DCDC2C: variants seen among roughly 807,000 people sequenced by gnomAD.
DCDC2C encodes the protein doublecortin domain-containing protein 2C.
DCDC2C carries 44 observed loss-of-function variants against 45.0 expected under a neutral mutation model. The observed-to-expected ratio is 0.98, with a 90% confidence interval of 0.77 to 1.26. The LOEUF (loss-of-function observed/expected upper bound fraction) is 1.26. Ranked by LOEUF, DCDC2C falls within the 50% of genes most tolerant of loss-of-function variation. The pLI is 0.00. For synonymous variants in DCDC2C, 187 were observed against 178.8 expected (o/e 1.05, Z -0.37); for missense variants, 447 against 468.9 (o/e 0.95, Z 0.43).
At chr2:3,830,634 C>T (rs537047719) in intron 10 of DCDC2C, among the ~76,000 whole-genome samples, 22 of 152,154 alleles carry the variant, frequency 1.4e-4, no homozygotes, top group East Asian at 9.6e-4. Context: ...ACCCCGTAGT[C>T]GCGACCCCAC....
chr2:3,775,736 C>G (rs113677564), intron 8 of DCDC2C, among the ~76,000 whole-genome samples: 4 of 8,726 alleles, frequency 4.6e-4, no homozygotes, highest in African/African-American at 1.5e-3. Flanking sequence ...AGGCAGCTGT[C>G]GCTGTGGGCT....
At chr2:3,763,316 C>A (rs1320539499) in intron 6 of DCDC2C, among the ~76,000 whole-genome samples, 1 of 152,206 alleles carries the variant, frequency 6.6e-6, no homozygotes. Context: ...AGACCTGAGA[C>A]CACACAGCTG....
chr2:3,821,620 C>A (rs1572641824), intron 10 of DCDC2C, among the ~76,000 whole-genome samples: 2 of 152,174 alleles, frequency 1.3e-5, no homozygotes, highest in South Asian at 2.1e-4. Context: ...GGCTTTTCTG[C>A]GTCTATTAAG....
chr2:3,826,570 G>A (rs1671821747), intron 10 of DCDC2C, among the ~76,000 whole-genome samples: 1 of 152,122 alleles, frequency 6.6e-6, no homozygotes, highest in South Asian at 2.1e-4. Flanking sequence ...CCTGCCCCAC[G>A]AGGTCACAGG....
At chr2:3,737,413 C>A (rs1669062583) in intron 3 of DCDC2C, among the ~76,000 whole-genome samples, 1 of 151,906 alleles carries the variant, frequency 6.6e-6, no homozygotes, top group South Asian at 2.1e-4. Flanking sequence ...TACCCAACTG[C>A]AGTGGGTCAT....
chr2:3,843,384 A>G (rs1672259540), intron 10 of DCDC2C, among the ~76,000 whole-genome samples: 1 of 151,410 alleles, frequency 6.6e-6, no homozygotes, highest in South Asian at 2.1e-4. Context: ...CAGTGTGTGA[A>G]TGTGCCGAGT....
In DCDC2C at chr2:3,847,250, G is replaced by A; in HGVS notation, c.*67G>A. 1 of 1,099,282 alleles carries A rather than the reference G, an allele frequency of 9.1e-7. No homozygotes were observed. The highest frequency in any genetic ancestry group is 4.6e-5 in the South Asian group (1 of 21,602). The allele number at this position is 1,099,282 out of a possible 1,614,324, so 68.1% of individuals were successfully genotyped here. On this transcript the variant is annotated 3_prime_UTR_variant, in exon 11 of 11. Transcript: ENST00000399143. ...ACCATGGGGCTTCCACGTCACATAT[G>A]GACATTTTAACAGCAAGAAAATCAC...
intron 4 of DCDC2C, among the ~76,000 whole-genome samples, chr2:3,745,317 T>C (rs1249929846): frequency 6.6e-6 from 1 of 152,144 alleles, no homozygotes; most frequent in Admixed American, 6.5e-5. Flanking sequence ...ACATGTAGAA[T>C]GATAGTAGTG....
chr2:3,761,654 C>G lies in DCDC2C; in HGVS notation c.727-6100C>G, dbSNP rs962841660. Among the ~76,000 whole-genome samples, 2 of 152,204 alleles carry G rather than the reference C, an allele frequency of 1.3e-5. No homozygotes were observed. The highest frequency in any genetic ancestry group is 4.8e-5 in the African/African-American group (2 of 41,450). ...ATAAATGTTCAAAGCAGGCCTGGTT[C>G]ATTGGTAGAAGACCTTGACCCACTT... On this transcript the variant is annotated intron_variant, in intron 6 of 10. Transcript: ENST00000399143. The surrounding 1 kb of genome is among the most constrained non-coding windows in gnomAD (Gnocchi z 4.3).
chr2:3,740,378 AT>A (rs1051766529), intron 3 of DCDC2C, among the ~76,000 whole-genome samples: 5 of 152,206 alleles, frequency 3.3e-5, no homozygotes, highest in Non-Finnish European at 5.9e-5. Context: ...ACATTGATCT[AT>A]TTTGCCAAAG....
Position 3,704,027 on chromosome 2 carries a change from C to T in DCDC2C, c.276C>T (p.Phe92=). The change falls in exon 1 of 11, where the codon TTC becomes TTT. Residue 92 remains phenylalanine, a synonymous_variant. Transcript: ENST00000399143. ...GKYVAAGRER[F]KELDYIHIVP... is the part of the protein sequence containing the mutation. Reference sequence around the variant, plus strand: ...ACGTGGCGGCGGGCCGCGAGCGCTTCAAGGAGCTCGAGTAAGTGCGCCCGC... The same window carrying T: ...ACGTGGCGGCGGGCCGCGAGCGCTTTAAGGAGCTCGAGTAAGTGCGCCCGC... The T allele has an allele frequency of 7.8e-7, 1 of 1,274,110 alleles. No individual in the cohort carries two copies. Among genetic ancestry groups the T allele is most frequent in the Non-Finnish European group, 9.9e-7 (1 of 1,009,488 alleles). The allele number at this position is 1,274,110 out of a possible 1,614,324, so 78.9% of individuals were successfully genotyped here. A position where few individuals can be genotyped will look rare whatever the true frequency, so the allele number is the denominator to read the frequency against.
intron 7 of DCDC2C, 25 bp from the exon 8 acceptor site, chr2:3,769,286 G>C: frequency 6.5e-7 from 1 of 1,544,796 alleles, no homozygotes; most frequent in Non-Finnish European, 8.8e-7. Flanking sequence ...GGTTTCAAAA[G>C]TTTGTCTGTG....
intron 2 of DCDC2C, among the ~76,000 whole-genome samples, chr2:3,716,498 T>C (rs975938936): frequency 1.3e-5 from 2 of 152,076 alleles, no homozygotes; most frequent in African/African-American, 4.8e-5. Flanking sequence ...CAGAAAAGAA[T>C]AGAAGAGAGA....
intron 3 of DCDC2C, among the ~76,000 whole-genome samples, chr2:3,738,539 GGAAAAAAA>G (rs1424342695): frequency 1.6e-4 from 9 of 55,258 alleles, no homozygotes; most frequent in Admixed American, 1.6e-3. Flanking sequence ...GGTCTATCTG[GGAAAAAAA>G]AAAAAAAAAA....
chr2:3,822,897 T>C (rs1415937306), intron 10 of DCDC2C, among the ~76,000 whole-genome samples: 2 of 152,144 alleles, frequency 1.3e-5, no homozygotes, highest in African/African-American at 4.8e-5. Context: ...CTTGTGATAG[T>C]GAGTAAGTCT....
chr2:3,708,368 C>T (rs1184267243), intron 1 of DCDC2C, among the ~76,000 whole-genome samples, 181 bp from the exon 2 acceptor site: 1 of 152,200 alleles, frequency 6.6e-6, no homozygotes. Flanking sequence ...AACTGTCCTA[C>T]AGCAGCATTG....
chr2:3,723,316 T>A (rs918792059), intron 2 of DCDC2C, among the ~76,000 whole-genome samples: 2 of 152,068 alleles, frequency 1.3e-5, no homozygotes, highest in Admixed American at 1.3e-4. Flanking sequence ...ATGAAGTGCT[T>A]GGATGAAAGT....
At chr2:3,831,047 TG>T (rs747133936) in intron 10 of DCDC2C, among the ~76,000 whole-genome samples, 1 of 152,154 alleles carries the variant, frequency 6.6e-6, no homozygotes, top group Non-Finnish European at 1.5e-5. Context: ...AGGATTTACT[TG>T]GCGACTTTCC....
At chr2:3,769,542 G>A in intron 8 of DCDC2C, 131 bp downstream of exon 8, 1 of 773,848 alleles carries the variant, frequency 1.3e-6, no homozygotes, top group Non-Finnish European at 2.1e-6. Context: ...GTTCCTCCTA[G>A]TTAGAGACTG....
Sources: allele counts gnomAD v4.1 joint callset (sites outside exome capture counted in the v4.1 genomes callset), GRCh38; gene constraint gnomAD v4.1.1; non-coding constraint Gnocchi (gnomAD v3.1); transcripts MANE v1.5; gene names NCBI Gene and HGNC (gene_info 2026-07-23, HGNC 2026-07-21).